Variants in RBFOX1 observed in about 807,000 individuals in gnomAD.
RBFOX1 encodes RNA binding protein fox-1 homolog 1.
In RBFOX1, 8 loss-of-function variants were observed where a neutral mutation model predicts 57.7. The observed-to-expected ratio is 0.14, with a 90% CI of 0.08 to 0.25. The LOEUF (loss-of-function observed/expected upper bound fraction) is 0.25. Among genes scored for constraint, RBFOX1 ranks in the 10% least tolerant of loss-of-function variants. RBFOX1 has a pLI of 1.00. For synonymous variants in RBFOX1, 326 were observed against 222.4 expected (o/e 1.47, Z -4.15); for missense variants, 611 against 548.5 (o/e 1.11, Z -1.14).
intron 1 of RBFOX1, among the ~76,000 whole-genome samples, chr16:5,465,856 G>A (rs1406777733): frequency 6.6e-6 from 1 of 152,182 alleles, no homozygotes; most frequent in Non-Finnish European, 1.5e-5. Flanking sequence ...GCTTTCTCCA[G>A]AATGGCCAGA....
chr16:6,095,268 C>G (rs1360252387), intron 1 of RBFOX1, among the ~76,000 whole-genome samples: 1 of 152,160 alleles, frequency 6.6e-6, no homozygotes, highest in Non-Finnish European at 1.5e-5. Context: ...GGTGAATATA[C>G]AAATAAGTGA....
At chr16:6,403,130 G>A (rs189670033) in intron 2 of RBFOX1, among the ~76,000 whole-genome samples, 16 of 151,938 alleles carry the variant, frequency 1.1e-4, no homozygotes, top group Admixed American at 9.8e-4. Context: ...CTTTCACTGT[G>A]GGTGCTGAAC....
intron 7 of RBFOX1, among the ~76,000 whole-genome samples, chr16:7,589,337 G>C (rs532133600): frequency 6.6e-6 from 1 of 152,066 alleles, no homozygotes; most frequent in South Asian, 2.1e-4. Context: ...GAGCTGTTTT[G>C]GGACATTAGA....
At chr16:6,379,351 G>A (rs1240862625) in intron 2 of RBFOX1, among the ~76,000 whole-genome samples, 1 of 152,140 alleles carries the variant, frequency 6.6e-6, no homozygotes, top group Non-Finnish European at 1.5e-5. Context: ...ACACATCCCA[G>A]TTAGCCAGGA....
chr16:6,070,139 T>G lies in RBFOX1; in HGVS notation c.-127+50147T>G, dbSNP rs183307109. 1.7e-3 allele frequency among the ~76,000 whole-genome samples: 265 copies of G among 152,320 alleles called. 2 individuals are homozygous for G. Among genetic ancestry groups the G allele is most frequent in the Non-Finnish European group, 6.9e-4 (47 of 68,030 alleles). On this transcript the variant is annotated intron_variant, in intron 1 of 15. Transcript: ENST00000550418. Reference sequence around the variant, plus strand: ...ATTTTTTAAAGTGTGATTTGACTAGTAATAATATGAGAACTTTGTACAACT... The same window carrying G: ...ATTTTTTAAAGTGTGATTTGACTAGGAATAATATGAGAACTTTGTACAACT...
chr16:5,834,257 A>T (rs2056378781), intron 3 of RBFOX1, among the ~76,000 whole-genome samples: 1 of 152,098 alleles, frequency 6.6e-6, no homozygotes, highest in South Asian at 2.1e-4. Context: ...GTAGTTTTTC[A>T]TGCCCCCTTC....
At chr16:5,530,647 T>C (rs927078261) in intron 2 of RBFOX1, among the ~76,000 whole-genome samples, 3 of 152,150 alleles carry the variant, frequency 2.0e-5, no homozygotes, top group African/African-American at 7.2e-5. Flanking sequence ...CCTTGGCCTC[T>C]ACCCATGAGA....
At chr16:6,822,160 C>G (rs2091420361) in intron 3 of RBFOX1, among the ~76,000 whole-genome samples, 1 of 152,092 alleles carries the variant, frequency 6.6e-6, no homozygotes, top group Non-Finnish European at 1.5e-5. Context: ...GCTCGTGTGC[C>G]AAGTCGAGGC....
intron 3 of RBFOX1, among the ~76,000 whole-genome samples, chr16:5,648,223 T>C (rs2049112739): frequency 1.3e-5 from 2 of 152,108 alleles, no homozygotes; most frequent in Non-Finnish European, 2.9e-5. Flanking sequence ...AGGAGGAGAA[T>C]TCAGGGAAAA....
intron 3 of RBFOX1, chr16:5,611,258 G>C (rs2047775883): frequency 6.6e-6 from 1 of 152,162 alleles, no homozygotes; most frequent in African/African-American, 2.4e-5. Context: ...TTTGGCAGTG[G>C]GTTTCATGGA....
chr16:7,466,018 A>T (rs552821473), intron 4 of RBFOX1, among the ~76,000 whole-genome samples: 1 of 152,298 alleles, frequency 6.6e-6, no homozygotes, highest in African/African-American at 2.4e-5. Context: ...TAGAAAGTGC[A>T]TCATCTGTGT....
chr16:6,960,973 CAA>C (rs1168858782), intron 3 of RBFOX1, among the ~76,000 whole-genome samples: 632 of 36,130 alleles, frequency 0.017, 8 homozygotes, highest in African/African-American at 0.051. Context: ...ACTGAAAATA[CAA>C]AAAAAAAAAA....
intron 4 of RBFOX1, among the ~76,000 whole-genome samples, chr16:7,404,242 G>A (rs192561572): frequency 4.1e-4 from 62 of 151,432 alleles, no homozygotes; most frequent in African/African-American, 1.3e-3. Context: ...TAGTACAGAC[G>A]GGGTTTCACC....
In RBFOX1 at chr16:7,154,030, GT is replaced by G. The variant is rs1051689840; in HGVS notation, c.27+101937del. ...TTTATCCATCATCATTATCATAGTT[GT>G]TTTTGTTACTAGTATTTAGCAACAG... is the stretch of plus-strand genomic sequence containing the variant. On this transcript the variant is annotated intron_variant, in intron 4 of 15. Transcript: ENST00000550418. Among the ~76,000 whole-genome samples, 49 of 152,250 alleles carry G rather than the reference GT, an allele frequency of 3.2e-4. 1 individual carries two copies. The highest frequency in any genetic ancestry group is 1.2e-3 in the African/African-American group (49 of 41,546).
intron 1 of RBFOX1, among the ~76,000 whole-genome samples, chr16:6,236,860 A>G (rs2097508775): frequency 6.6e-6 from 1 of 152,166 alleles, no homozygotes; most frequent in Non-Finnish European, 1.5e-5. Flanking sequence ...CCTATAGTGT[A>G]AGTGAGGAAA....
rs529521076 is a variant in RBFOX1, at chr16:6,169,321, G to A, written c.-126-147674G>A. ...AAGGATTAATGCACTTTGTTATCAC[G>A]TTGGGGAAAGACGAGAAGGAGTGGA... On this transcript the variant is annotated intron_variant, in intron 1 of 15. Coordinates refer to ENST00000550418, the MANE Select transcript of RBFOX1 (RefSeq NM_018723.4). Among the ~76,000 whole-genome samples the A allele has an allele frequency of 1.5e-4, 23 of 152,204 alleles. No individual in the cohort carries two copies. The South Asian group carries it at 3.7e-3, about 25-fold the overall frequency.
intron 3 of RBFOX1, among the ~76,000 whole-genome samples, chr16:5,853,876 C>A (rs6500729): frequency 1.6e-4 from 25 of 152,180 alleles, no homozygotes; most frequent in African/African-American, 5.8e-4. Flanking sequence ...CCCCTCCACC[C>A]GGCCTCCCAA....
intron 3 of RBFOX1, among the ~76,000 whole-genome samples, chr16:5,831,996 T>C (rs1041340175): frequency 2.0e-5 from 3 of 152,300 alleles, no homozygotes; most frequent in Non-Finnish European, 2.9e-5. Flanking sequence ...GTTAGCACTT[T>C]CATCCTAGAG....
intron 4 of RBFOX1, among the ~76,000 whole-genome samples, chr16:7,132,574 T>G (rs2070783722): frequency 6.6e-6 from 1 of 151,352 alleles, no homozygotes; most frequent in Admixed American, 6.6e-5. Context: ...CACACATGTT[T>G]ATGAAGGCAG....
Sources: allele counts gnomAD v4.1 joint callset (sites outside exome capture counted in the v4.1 genomes callset), GRCh38; gene constraint gnomAD v4.1.1; transcripts MANE v1.5; gene names NCBI Gene and HGNC (gene_info 2026-07-23, HGNC 2026-07-21).